Variants in PPFIA2 observed in about 807,000 individuals in gnomAD.
PPFIA2 encodes PPFI scaffold protein A2, also known as liprin-alpha-2.
In PPFIA2, 46 loss-of-function variants were observed where a neutral mutation model predicts 175.5. The ratio of observed to expected loss-of-function variants is 0.26; its 90% CI spans 0.21 to 0.34. The LOEUF (loss-of-function observed/expected upper bound fraction) is 0.34. Ranked by LOEUF, PPFIA2 falls within the 10% of genes least tolerant of loss-of-function variation. PPFIA2 has a pLI of 1.00. For missense variants in PPFIA2, 1,179 were observed against 1,506.1 expected, an observed-to-expected ratio of 0.78 and a Z score of 3.60; for synonymous variants, 568 against 511.4, an observed-to-expected ratio of 1.11 and a Z score of -1.49.
intron 4 of PPFIA2, among the ~76,000 whole-genome samples, chr12:81,472,278 T>G (rs1243757812): frequency 1.3e-5 from 2 of 152,146 alleles, no homozygotes; most frequent in Non-Finnish European, 2.9e-5. Flanking sequence ...CAAAATTAAT[T>G]GTGATGAGGA....
At chr12:81,562,710 A>G (rs1042120842) in intron 4 of PPFIA2, among the ~76,000 whole-genome samples, 132 of 149,632 alleles carry the variant, frequency 8.8e-4, no homozygotes, top group African/African-American at 2.9e-3. Context: ...AGCCGGGCGT[A>G]GTGGCGGGCG....
intron 4 of PPFIA2, among the ~76,000 whole-genome samples, chr12:81,665,288 T>C (rs2069936526): frequency 6.6e-6 from 1 of 152,048 alleles, no homozygotes; most frequent in African/African-American, 2.4e-5. Flanking sequence ...ATTTGACAGA[T>C]ACAGCAAAAA....
chr12:81,330,675 C>T (rs576230905), intron 21 of PPFIA2, among the ~76,000 whole-genome samples: 1 of 152,258 alleles, frequency 6.6e-6, no homozygotes, highest in South Asian at 2.1e-4. Context: ...TCCATTTGTC[C>T]AGCAGAGGTC....
chr12:81,368,976 C>T (rs2034341842), intron 12 of PPFIA2, 120 bp from the exon 13 acceptor site: 3 of 1,328,272 alleles, frequency 2.3e-6, no homozygotes, highest in Admixed American at 5.1e-5. Flanking sequence ...GTGGTGGAAA[C>T]ATTTTATTCA....
intron 4 of PPFIA2, among the ~76,000 whole-genome samples, chr12:81,628,455 C>A (rs1239103176): frequency 7.0e-6 from 1 of 143,146 alleles, no homozygotes; most frequent in African/African-American, 2.6e-5. Context: ...TGGCTCACTA[C>A]AACCTCCAAC....
At position 81,702,452 on chromosome 12, in the gene PPFIA2, C is replaced by T. The variant is rs11831005; in HGVS notation, c.250-25608G>A. On this transcript the variant is annotated intron_variant, in intron 3 of 32. Coordinates refer to ENST00000549396, the MANE Select transcript of PPFIA2 (RefSeq NM_003625.5). ...AGTGAAATCAATCTTGTCTATATCACCAAATTATTTTAATCCACTTCATTA... is the reference window on the plus strand; with the variant it reads ...AGTGAAATCAATCTTGTCTATATCATCAAATTATTTTAATCCACTTCATTA... 7.2e-3 allele frequency among the ~76,000 whole-genome samples: 1,099 copies of T among 152,204 alleles called. 22 individuals are homozygous for T. The highest frequency in any genetic ancestry group is 0.025 in the African/African-American group (1,044 of 41,536).
chr12:81,709,866 A>T (rs1236310149), intron 3 of PPFIA2, among the ~76,000 whole-genome samples: 2 of 152,054 alleles, frequency 1.3e-5, no homozygotes, highest in African/African-American at 4.8e-5. Flanking sequence ...TAAATTGCTA[A>T]ATAAATAAGA....
At chr12:81,420,836 A>G (rs139594710) in intron 7 of PPFIA2, among the ~76,000 whole-genome samples, 1 of 152,222 alleles carries the variant, frequency 6.6e-6, no homozygotes, top group Non-Finnish European at 1.5e-5. Flanking sequence ...TTCCCAAATA[A>G]GATCAACCCC....
intron 18 of PPFIA2, among the ~76,000 whole-genome samples, chr12:81,347,069 A>G (rs1454757732): frequency 6.6e-6 from 1 of 152,072 alleles, no homozygotes; most frequent in Admixed American, 6.6e-5. Flanking sequence ...AGCAGTGACT[A>G]CAGGTACAGA....
chr12:81,751,534 T>TACACACAC (rs10591884), intron 3 of PPFIA2, among the ~76,000 whole-genome samples: 15 of 144,288 alleles, frequency 1.0e-4, no homozygotes, highest in African/African-American at 3.1e-4. Flanking sequence ...TATAATATGC[T>TACACACAC]ACACACACAC....
intron 3 of PPFIA2, among the ~76,000 whole-genome samples, chr12:81,722,544 G>A (rs1815096774): frequency 2.0e-5 from 3 of 151,034 alleles, no homozygotes; most frequent in Admixed American, 6.6e-5. Flanking sequence ...ACAAAGGTTT[G>A]TCTGACATCT....
At chr12:81,573,755 C>T (rs2073003096) in intron 4 of PPFIA2, among the ~76,000 whole-genome samples, 1 of 151,828 alleles carries the variant, frequency 6.6e-6, no homozygotes, top group Non-Finnish European at 1.5e-5. Context: ...AATTAAAATG[C>T]TCCTGTAGAA....
At chr12:81,294,261 G>A (rs940247773) in intron 24 of PPFIA2, among the ~76,000 whole-genome samples, 33 of 152,166 alleles carry the variant, frequency 2.2e-4, no homozygotes, top group African/African-American at 7.7e-4. Flanking sequence ...CCCATGTAAC[G>A]AACTTTCACA....
intron 4 of PPFIA2, among the ~76,000 whole-genome samples, chr12:81,642,626 T>C (rs1422601910): frequency 7.3e-6 from 1 of 137,102 alleles, no homozygotes; most frequent in Non-Finnish European, 1.6e-5. Flanking sequence ...TAATAGATAC[T>C]ATATATCTAT....
intron 21 of PPFIA2, among the ~76,000 whole-genome samples, chr12:81,330,319 G>T (rs947260399): frequency 6.6e-6 from 1 of 152,136 alleles, no homozygotes; most frequent in Admixed American, 6.5e-5. Flanking sequence ...CTGACTGGTG[G>T]CACGCTTGTT....
At chr12:81,455,295 T>C (rs1436519984) in intron 5 of PPFIA2, among the ~76,000 whole-genome samples, 1 of 152,202 alleles carries the variant, frequency 6.6e-6, no homozygotes, top group East Asian at 1.9e-4. Context: ...GAGGTGGTTA[T>C]GTAACTTAAG....
chr12:81,614,955 C>G (rs1323878328), intron 4 of PPFIA2, among the ~76,000 whole-genome samples: 1 of 152,098 alleles, frequency 6.6e-6, no homozygotes, highest in Non-Finnish European at 1.5e-5. Context: ...ATTAGATCTA[C>G]CTGATTACAA....
chr12:81,308,607 A>G (rs2049947575), intron 22 of PPFIA2, among the ~76,000 whole-genome samples: 1 of 152,166 alleles, frequency 6.6e-6, no homozygotes, highest in Non-Finnish European at 1.5e-5. Flanking sequence ...ATGGTCCCCT[A>G]CTTTTCTTTC....
intron 4 of PPFIA2, among the ~76,000 whole-genome samples, chr12:81,552,536 A>T (rs148427793): frequency 6.6e-6 from 1 of 152,022 alleles, no homozygotes; most frequent in South Asian, 2.1e-4. Flanking sequence ...ACCTTCTAGT[A>T]TCTAAGTTAT....
Sources: allele counts gnomAD v4.1 joint callset (sites outside exome capture counted in the v4.1 genomes callset), GRCh38; gene constraint gnomAD v4.1.1; transcripts MANE v1.5; gene names NCBI Gene and HGNC (gene_info 2026-07-23, HGNC 2026-07-21).